AGPAT3: variants seen among roughly 807,000 people sequenced by gnomAD.
AGPAT3 encodes 1-acyl-sn-glycerol-3-phosphate acyltransferase gamma.
AGPAT3 carries 5 observed loss-of-function variants against 47.3 expected under a neutral mutation model. That is an observed-to-expected ratio of 0.11 (90% CI 0.06 to 0.22). The LOEUF (loss-of-function observed/expected upper bound fraction) is 0.22. Among genes scored for constraint, AGPAT3 ranks in the 10% least tolerant of loss-of-function variants. The pLI, the probability that AGPAT3 is intolerant of heterozygous loss-of-function variation, is 1.00. For missense variants in AGPAT3, 315 were observed against 493.0 expected (o/e 0.64, Z 3.42); for synonymous variants, 212 against 208.3 (o/e 1.02, Z -0.15).
rs557835735 is a variant in AGPAT3, at chr21:43,957,466, T to G, written c.-48-2168T>G. The stretch of plus-strand genomic sequence containing the variant: ...AGCACCGCCAGCCTGACTGCCAGGG[T>G]TTCCCCTCCACACGGGGGGTCTCGG... On this transcript the variant is annotated intron_variant, in intron 2 of 9. Transcript: ENST00000291572. Among the ~76,000 whole-genome samples, 15 of 151,074 alleles carry G rather than the reference T, an allele frequency of 9.9e-5. 1 individual carries two copies. In the South Asian group the frequency reaches 2.5e-3, roughly 25 times the overall value.
chr21:43,957,569 C>T (rs574374746), intron 2 of AGPAT3, among the ~76,000 whole-genome samples: 12 of 147,292 alleles, frequency 8.1e-5, no homozygotes, highest in African/African-American at 2.3e-4. Flanking sequence ...ACGGGGGTCT[C>T]GGGTTTCCCC....
chr21:43,978,675 A>G (rs1355722479), intron 8 of AGPAT3, among the ~76,000 whole-genome samples: 1 of 152,222 alleles, frequency 6.6e-6, no homozygotes, highest in Non-Finnish European at 1.5e-5. Flanking sequence ...TGATGCCTGT[A>G]TAATTATGGC....
intron 7 of AGPAT3, among the ~76,000 whole-genome samples, chr21:43,974,726 T>A (rs2089539687): frequency 6.6e-6 from 1 of 151,728 alleles, no homozygotes. Context: ...TTGTATGTGT[T>A]TGATGTGTGT....
At chr21:43,881,727 C>A (rs1483169299) in intron 1 of AGPAT3, among the ~76,000 whole-genome samples, 2 of 152,142 alleles carry the variant, frequency 1.3e-5, no homozygotes, top group African/African-American at 4.8e-5. Flanking sequence ...ACAGTCTTGG[C>A]CCACTGCAAC....
intron 2 of AGPAT3, among the ~76,000 whole-genome samples, chr21:43,940,848 T>C (rs1159596230): frequency 6.6e-6 from 1 of 152,232 alleles, no homozygotes; most frequent in East Asian, 1.9e-4. Flanking sequence ...GTGCCGGCTC[T>C]TACTGCAGAA....
At chr21:43,938,216 C>T (rs540917212) in intron 2 of AGPAT3, among the ~76,000 whole-genome samples, 7 of 151,420 alleles carry the variant, frequency 4.6e-5, no homozygotes, top group East Asian at 3.9e-4. Context: ...GTGCATGTTA[C>T]GCTAGAGAGC....
chr21:43,905,976 C>T (rs886476544), intron 2 of AGPAT3, among the ~76,000 whole-genome samples: 1 of 152,186 alleles, frequency 6.6e-6, no homozygotes, highest in Non-Finnish European at 1.5e-5. Context: ...AGAAACCGGC[C>T]AAGGCGCGTC....
intron 2 of AGPAT3, among the ~76,000 whole-genome samples, chr21:43,926,131 C>T (rs922195161): frequency 3.3e-5 from 5 of 152,222 alleles, no homozygotes; most frequent in African/African-American, 1.2e-4. Flanking sequence ...TTCAGTGGTA[C>T]GGTGGCTGCG....
At position 43,934,045 on chromosome 21, in the gene AGPAT3, A is replaced by C. The variant is rs1225743624; in HGVS notation, c.-48-25589A>C. 1.3e-5 allele frequency among the ~76,000 whole-genome samples: 2 copies of C among 152,210 alleles called. No individual in the cohort carries two copies. The highest frequency in any genetic ancestry group is 4.8e-5 in the African/African-American group (2 of 41,460). ...CAGCTGCCGAATGCCGTACCAGGGC[A>C]GGGGCAGTGGAGCAGGTGTCTGCCC... On this transcript the variant is annotated intron_variant, in intron 2 of 9. Coordinates refer to ENST00000291572, the MANE Select transcript of AGPAT3 (RefSeq NM_020132.5). The surrounding 1 kb of genome is among the most constrained non-coding windows in gnomAD (Gnocchi z 4.7).
chr21:43,948,531 A>G (rs906894476), intron 2 of AGPAT3, among the ~76,000 whole-genome samples: 1 of 152,158 alleles, frequency 6.6e-6, no homozygotes, highest in Non-Finnish European at 1.5e-5. Context: ...GCGCTGCCAT[A>G]ATAGCAGGAG....
intron 1 of AGPAT3, among the ~76,000 whole-genome samples, chr21:43,878,515 A>G (rs2123561351): frequency 6.6e-6 from 1 of 152,306 alleles, no homozygotes; most frequent in South Asian, 2.1e-4. Flanking sequence ...TCCCAGTTAT[A>G]AATATGATGG....
In AGPAT3 at chr21:43,969,237, C is replaced by A. The variant is rs35654315; in HGVS notation, c.468C>A (p.Val156=). 27 of 1,614,102 alleles carry A rather than the reference C, an allele frequency of 1.7e-5. No individual in the cohort carries two copies. The highest frequency in any genetic ancestry group is 1.1e-5 in the South Asian group (1 of 91,078). Residue 156 remains valine (V), a synonymous_variant, in exon 5 of 10, where the codon GTC becomes GTA. Transcript: ENST00000291572. ...GGGAGGAGGACCGGGACACCGTGGT[C>A]GAAGGGCTGAGGCGCCTGTCGGACT... is the stretch of plus-strand genomic sequence containing the variant. The part of the protein sequence containing the change: ...RKWEEDRDTV[V]EGLRRLSDYP...
intron 2 of AGPAT3, among the ~76,000 whole-genome samples, chr21:43,909,507 AG>A (rs561963182): frequency 2.0e-3 from 306 of 152,274 alleles, no homozygotes; most frequent in Middle Eastern, 0.01. Context: ...CGTGTTAGCC[AG>A]GATGGTCTCG....
At chr21:43,950,033 G>T (rs2088114330) in intron 2 of AGPAT3, among the ~76,000 whole-genome samples, 1 of 152,240 alleles carries the variant, frequency 6.6e-6, no homozygotes, top group African/African-American at 2.4e-5. Flanking sequence ...CAGCCAGGCA[G>T]TCTTGGAAGC....
At chr21:43,950,592 C>T (rs1463600381) in intron 2 of AGPAT3, 1 of 152,242 alleles carries the variant, frequency 6.6e-6, no homozygotes, top group Non-Finnish European at 1.5e-5. Flanking sequence ...ACGAGATCAG[C>T]GTGGGCCACA....
chr21:43,961,747 C>T (rs902869264), intron 3 of AGPAT3, among the ~76,000 whole-genome samples: 23 of 151,824 alleles, frequency 1.5e-4, no homozygotes, highest in African/African-American at 2.7e-4. Flanking sequence ...ACGGTGAGCG[C>T]GTATACACTT....
chr21:43,914,529 G>A (rs967383363), intron 2 of AGPAT3, among the ~76,000 whole-genome samples: 2 of 151,222 alleles, frequency 1.3e-5, no homozygotes, highest in Admixed American at 6.6e-5. Flanking sequence ...CCATGTAGAG[G>A]TTTTTTTTGT....
At chr21:43,967,228 A>G (rs6518342) in intron 3 of AGPAT3, 41,382 of 152,346 alleles carry the variant, frequency 0.27, 7,945 homozygotes, top group African/African-American at 0.55. Context: ...GGAAGAGACC[A>G]AGGGAGGAGG....
chr21:43,910,465 A>C (rs2086607701), intron 2 of AGPAT3, among the ~76,000 whole-genome samples: 1 of 152,132 alleles, frequency 6.6e-6, no homozygotes, highest in African/African-American at 2.4e-5. Context: ...GAATTAGGTG[A>C]ATTAGTGAAT....
Sources: allele counts gnomAD v4.1 joint callset (sites outside exome capture counted in the v4.1 genomes callset), GRCh38; gene constraint gnomAD v4.1.1; non-coding constraint Gnocchi (gnomAD v3.1); transcripts MANE v1.5; gene names NCBI Gene and HGNC (gene_info 2026-07-23, HGNC 2026-07-21).